Variants in AK9 observed in about 807,000 individuals in gnomAD.
The protein encoded by AK9 is adenylate kinase domain containing 1.
In AK9, 191 loss-of-function variants were observed where a neutral mutation model predicts 239.6. The ratio of observed to expected loss-of-function variants is 0.80; its 90% confidence interval spans 0.71 to 0.90. The LOEUF is 0.90. Ranked by LOEUF, AK9 falls within the 40% of genes least tolerant of loss-of-function variation. The pLI is 0.00. For missense variants in AK9, 1,995 were observed against 2,214.7 expected, an observed-to-expected ratio of 0.90 and a Z score of 1.99; for synonymous variants, 689 against 721.0, an observed-to-expected ratio of 0.96 and a Z score of 0.71.
At chr6:109,512,049 T>C (rs1162308608) in intron 32 of AK9, among the ~76,000 whole-genome samples, 2 of 152,170 alleles carry the variant, frequency 1.3e-5, no homozygotes, top group Non-Finnish European at 2.9e-5. Context: ...GGCTGAGACA[T>C]ACTGGGCTGC....
At chr6:109,530,568 T>C (rs1394629877) in intron 28 of AK9, among the ~76,000 whole-genome samples, 1 of 152,172 alleles carries the variant, frequency 6.6e-6, no homozygotes, top group African/African-American at 2.4e-5. Context: ...TTGCAAACTA[T>C]ACACAATAGC....
intron 35 of AK9, among the ~76,000 whole-genome samples, chr6:109,502,751 T>C (rs1777720121): frequency 6.6e-6 from 1 of 152,214 alleles, no homozygotes; most frequent in Admixed American, 6.5e-5. Flanking sequence ...CTCTGGCCAA[T>C]AGCAGCCAGC....
intron 1 of AK9, among the ~76,000 whole-genome samples, chr6:109,683,519 T>A (rs1772993130): frequency 6.6e-6 from 1 of 152,044 alleles, no homozygotes; most frequent in Non-Finnish European, 1.5e-5. Flanking sequence ...CAGCCCAAAA[T>A]CTCCTTAAGC....
intron 38 of AK9, among the ~76,000 whole-genome samples, chr6:109,496,969 T>A (rs1777102834): frequency 6.6e-6 from 1 of 152,028 alleles, no homozygotes; most frequent in Non-Finnish European, 1.5e-5. Context: ...TTCATGGTGG[T>A]CTTACTTGAC....
chr6:109,523,271 G>A (rs1361507316), intron 29 of AK9, among the ~76,000 whole-genome samples: 1 of 151,770 alleles, frequency 6.6e-6, no homozygotes, highest in Non-Finnish European at 1.5e-5. Context: ...TTCTTCCTAG[G>A]GAAATTTTTT....
chr6:109,555,346 C>T lies in AK9; in HGVS notation c.2752-5044G>A, dbSNP rs563799374. Among the ~76,000 whole-genome samples the T allele has an allele frequency of 2.0e-5, 3 of 152,152 alleles. No homozygotes were observed. In the East Asian group the frequency reaches 5.8e-4, roughly 29 times the overall value. ...TTGAATGAGTCTCTTAATCCTGAGT[C>T]CTAATTTGCTTGCACTGTGATCTGA... On this transcript the variant is annotated intron_variant, in intron 24 of 40. Coordinates refer to ENST00000424296, the MANE Select transcript of AK9 (RefSeq NM_001145128.3).
At chr6:109,638,655 A>G (rs1005667257) in intron 10 of AK9, among the ~76,000 whole-genome samples, 1 of 151,940 alleles carries the variant, frequency 6.6e-6, no homozygotes, top group East Asian at 1.9e-4. Context: ...AATTTTTTAA[A>G]AAAATTTTAA....
chr6:109,683,794 G>A (rs2128358169), intron 1 of AK9, among the ~76,000 whole-genome samples: 1 of 152,308 alleles, frequency 6.6e-6, no homozygotes, highest in Admixed American at 6.5e-5. Flanking sequence ...TGGATAGGAA[G>A]AATCATATTG....
intron 5 of AK9, among the ~76,000 whole-genome samples, chr6:109,666,066 A>G (rs1299023711): frequency 7.2e-5 from 11 of 152,152 alleles, no homozygotes; most frequent in Non-Finnish European, 1.0e-4. Context: ...ATTTCCATGG[A>G]TCTAGCTCTC....
In AK9 at chr6:109,672,187, T is replaced by C. The variant is rs764795529; in HGVS notation, c.182-20A>G. ...GCAAAGCTAAAACATGAATTCAAAA[T>C]ATTAATACAGACTGATATTAAGATC... On this transcript the variant is annotated intron_variant, in intron 3 of 40. Transcript: ENST00000424296. The C allele has an allele frequency of 3.1e-6, 5 of 1,596,974 alleles. No individual in the cohort carries two copies. The South Asian group carries it at 5.6e-5, about 18-fold the overall frequency.
At chr6:109,662,732 A>G in intron 5 of AK9, 69 bp from the exon 6 acceptor site, 1 of 672,104 alleles carries the variant, frequency 1.5e-6, no homozygotes, top group Non-Finnish European at 2.0e-6. Flanking sequence ...GATTTATTAT[A>G]TTATATATAT....
At chr6:109,615,388 T>C (rs1257887567) in intron 13 of AK9, among the ~76,000 whole-genome samples, 1 of 152,074 alleles carries the variant, frequency 6.6e-6, no homozygotes, top group Non-Finnish European at 1.5e-5. Context: ...GGTATTCAAG[T>C]ATTTGTTGAA....
chr6:109,532,894 T>C (rs1781471440), intron 28 of AK9, among the ~76,000 whole-genome samples: 1 of 152,180 alleles, frequency 6.6e-6, no homozygotes, highest in Non-Finnish European at 1.5e-5. Flanking sequence ...ATGTCTTTGA[T>C]GGATGGTGTC....
At chr6:109,627,701 G>T (rs575657029) in intron 12 of AK9, among the ~76,000 whole-genome samples, 1 of 152,150 alleles carries the variant, frequency 6.6e-6, no homozygotes, top group South Asian at 2.1e-4. Context: ...TGTCACCCAG[G>T]CTGGAATGCA....
chr6:109,505,628 T>C (rs1458361101), intron 35 of AK9, among the ~76,000 whole-genome samples: 2 of 152,206 alleles, frequency 1.3e-5, no homozygotes, highest in Non-Finnish European at 1.5e-5. Flanking sequence ...TCTGCAATCA[T>C]GGACCCGTAT....
In AK9 at chr6:109,516,686, T is replaced by A. The variant is rs1225739103; in HGVS notation, c.3634-44A>T. 3.4e-6 allele frequency: 5 copies of A among 1,451,996 alleles called. No individual in the cohort carries two copies. The African/African-American group carries it at 7.1e-5, about 21-fold the overall frequency. 89.9% of individuals were successfully genotyped at this position (1,451,996 alleles called of 1,614,324 possible). A position where few individuals can be genotyped will look rare whatever the true frequency, so the allele number is the denominator to read the frequency against. Reference sequence around the variant, plus strand: ...CCTTTTACTATACATATAAAATATGTAACAAAAGACACTATTAACAAATCA... The same window carrying A: ...CCTTTTACTATACATATAAAATATGAAACAAAAGACACTATTAACAAATCA... On this transcript the variant is annotated intron_variant, in intron 29 of 40. Coordinates refer to ENST00000424296, the MANE Select transcript of AK9 (RefSeq NM_001145128.3).
intron 20 of AK9, 45 bp from the exon 21 acceptor site, chr6:109,573,639 CA>C: frequency 2.7e-6 from 4 of 1,506,450 alleles, no homozygotes; most frequent in Non-Finnish European, 2.7e-6. Flanking sequence ...TTGAAGTCAA[CA>C]AATATTTATT....
chr6:109,497,621 G>T, intron 37 of AK9, 58 bp from the exon 38 acceptor site: 1 of 1,370,546 alleles, frequency 7.3e-7, no homozygotes, highest in Non-Finnish European at 1.0e-6. Context: ...GCAGTCCTGT[G>T]TAAATAAAAA....
At chr6:109,559,959 T>C (rs1785536237) in intron 24 of AK9, among the ~76,000 whole-genome samples, 1 of 152,178 alleles carries the variant, frequency 6.6e-6, no homozygotes, top group Non-Finnish European at 1.5e-5. Flanking sequence ...TCATGGTCCT[T>C]TTCTCTATCT....
Sources: allele counts gnomAD v4.1 joint callset (sites outside exome capture counted in the v4.1 genomes callset), GRCh38; gene constraint gnomAD v4.1.1; transcripts MANE v1.5; gene names NCBI Gene and HGNC (gene_info 2026-07-23, HGNC 2026-07-21).